PHF8: variants seen among roughly 807,000 people sequenced by gnomAD.
The protein encoded by PHF8 is histone lysine demethylase PHF8.
Under a neutral mutation model 74.4 loss-of-function variants are expected in PHF8, and 9 were observed. The ratio of observed to expected loss-of-function variants is 0.12; its 90% CI spans 0.07 to 0.21. PHF8 has a LOEUF of 0.21. Ranked by LOEUF, PHF8 falls within the 10% of genes least tolerant of loss-of-function variation. PHF8 has a pLI of 1.00. For missense variants in PHF8, 478 were observed against 816.6 expected, an observed-to-expected ratio of 0.59 and a Z score of 5.05; for synonymous variants, 311 against 316.6, an observed-to-expected ratio of 0.98 and a Z score of 0.19.
chrX:54,034,896 G>A (rs905651950), intron 2 of PHF8, among the ~76,000 whole-genome samples: 16 of 107,971 alleles, frequency 1.5e-4, no homozygotes, highest in African/African-American at 5.4e-4. Context: ...CTACTGGGGG[G>A]TGGGGGGCTG....
intron 7 of PHF8, among the ~76,000 whole-genome samples, chrX:54,012,244 G>C (rs2065995029): frequency 9.0e-6 from 1 of 111,554 alleles, no homozygotes; most frequent in South Asian, 3.7e-4. Flanking sequence ...GCTTTAGAGA[G>C]AGAATATAAT....
At chrX:53,962,150 A>C (rs1217091823) in intron 19 of PHF8, among the ~76,000 whole-genome samples, 2 of 111,810 alleles carry the variant, frequency 1.8e-5, no homozygotes. Flanking sequence ...AGTAGGTCTG[A>C]GACACCTGAA....
intron 18 of PHF8, among the ~76,000 whole-genome samples, chrX:53,979,501 A>T (rs1202264039): frequency 1.8e-5 from 2 of 112,404 alleles, no homozygotes; most frequent in African/African-American, 6.4e-5. Flanking sequence ...TAAAAAGAGA[A>T]TAAAATATCA....
intron 15 of PHF8, 65 bp from the exon 16 acceptor site, chrX:53,987,228 G>GA (rs1217500067): frequency 4.3e-6 from 3 of 705,191 alleles, no homozygotes; most frequent in Non-Finnish European, 6.8e-6. Flanking sequence ...ATACCCAGAA[G>GA]AAAAAAATAA....
intron 19 of PHF8, among the ~76,000 whole-genome samples, chrX:53,946,854 T>A (rs191903088): frequency 8.9e-6 from 1 of 111,747 alleles, no homozygotes; most frequent in East Asian, 2.8e-4. Context: ...AAATACATAC[T>A]GAAATACTTG....
rs189690623 is a variant in PHF8, at chrX:53,976,253, G to A, written c.2443+8661C>T. 8.2e-5 allele frequency among the ~76,000 whole-genome samples: 9 copies of A among 109,293 alleles called. No homozygotes were observed. The East Asian group carries it at 1.7e-3, about 21-fold the overall frequency. The allele number at this position is 109,293 out of a possible 115,157, so 94.9% of individuals were successfully genotyped here. A position where few individuals can be genotyped will look rare whatever the true frequency, so the allele number is the denominator to read the frequency against. ...CTGGGAGGTGGAGGTTGGAGCGAGC[G>A]GAGACTGCGCCACAGCACTCCAGCC... On this transcript the variant is annotated intron_variant, in intron 18 of 21. Coordinates refer to ENST00000338154, the MANE Select transcript of PHF8 (RefSeq NM_015107.3).
upstream of PHF8, chrX:54,044,885 G>T (rs2066619566): frequency 2.6e-6 from 3 of 1,156,493 alleles, no homozygotes; most frequent in Admixed American, 5.2e-5. Context: ...CGCGGCTCCT[G>T]TTCATTGAGC....
chrX:53,977,252 T>C lies in PHF8; in HGVS notation c.2443+7662A>G, dbSNP rs186657947. Among the ~76,000 whole-genome samples, 4 of 111,924 alleles carry C rather than the reference T, an allele frequency of 3.6e-5. No homozygotes were observed. The Admixed American group carries it at 3.8e-4, about 11-fold the overall frequency. The stretch of plus-strand genomic sequence containing the variant: ...CAGGAGGCTGAGGCATGAGAATCAC[T>C]TGAACCCAGGAGGCAGAGGTTGCAG... On this transcript the variant is annotated intron_variant, in intron 18 of 21. Coordinates refer to ENST00000338154, the MANE Select transcript of PHF8 (RefSeq NM_015107.3).
At chrX:54,038,720 C>G (rs2146514935) in intron 2 of PHF8, among the ~76,000 whole-genome samples, 1 of 112,278 alleles carries the variant, frequency 8.9e-6, no homozygotes, top group South Asian at 3.7e-4. Flanking sequence ...ACTTAACTTC[C>G]ACGAATTCCA....
At chrX:53,942,087 C>G (rs144603640) in intron 20 of PHF8, among the ~76,000 whole-genome samples, 3,295 of 111,864 alleles carry the variant, frequency 0.029, 130 homozygotes, top group African/African-American at 0.1. Context: ...GATACTCCCA[C>G]AGACAACTAG....
chrX:54,012,251 T>A (rs1308012852), intron 7 of PHF8, among the ~76,000 whole-genome samples: 4 of 111,660 alleles, frequency 3.6e-5, no homozygotes, highest in African/African-American at 1.3e-4. Context: ...AGAGAGAATA[T>A]AATAAAATGG....
At chrX:54,019,452 C>A (rs1216890928) in intron 4 of PHF8, among the ~76,000 whole-genome samples, 1 of 107,330 alleles carries the variant, frequency 9.3e-6, no homozygotes, top group Middle Eastern at 4.7e-3. Flanking sequence ...CAAATGAGAC[C>A]CTGTCTCAAA....
chrX:53,969,921 T>C (rs967333936), intron 18 of PHF8, among the ~76,000 whole-genome samples: 1 of 112,057 alleles, frequency 8.9e-6, no homozygotes. Flanking sequence ...AATACCCATA[T>C]GCAAAAGAAT....
intron 6 of PHF8, 106 bp from the exon 7 acceptor site, chrX:54,014,669 C>T (rs2066033444): frequency 3.5e-6 from 2 of 563,548 alleles, no homozygotes; most frequent in Non-Finnish European, 6.0e-6. Flanking sequence ...AGTCAGAGAA[C>T]AAGTTCCCTC....
In PHF8 at chrX:54,043,958, G is replaced by C; in HGVS notation, c.-289C>G. Reference sequence around the variant, plus strand: ...CTGCGAAGCGCCTCAGCGGAGGCTCGTCCGGTAGTTCCGGCCCCTACGGCG... The same window carrying C: ...CTGCGAAGCGCCTCAGCGGAGGCTCCTCCGGTAGTTCCGGCCCCTACGGCG... On this transcript the variant is annotated 5_prime_UTR_variant, in exon 1 of 22. Coordinates refer to ENST00000338154, the MANE Select transcript of PHF8 (RefSeq NM_015107.3). 4.0e-6 allele frequency: 3 copies of C among 754,938 alleles called. No individual in the cohort carries two copies. The highest frequency in any genetic ancestry group is 4.7e-6 in the Non-Finnish European group (3 of 639,387). The allele number at this position is 754,938 out of a possible 1,213,427, so 62.2% of individuals were successfully genotyped here.
Position 53,938,370 on chromosome X carries a change from A to C in PHF8, c.*788T>G, listed in dbSNP as rs1384461968. 1.1e-6 allele frequency: 1 copy of C among 902,478 alleles called. No individual in the cohort carries two copies. Among genetic ancestry groups the C allele is most frequent in the African/African-American group, 2.0e-5 (1 of 49,139 alleles). The allele number at this position is 902,478 out of a possible 1,213,427, so 74.4% of individuals were successfully genotyped here. The stretch of plus-strand genomic sequence containing the variant: ...AATGTTCTACATGATTTCAAAATCC[A>C]GGCAAATCCCTGGAGCTCACCCTAA... On this transcript the variant is annotated 3_prime_UTR_variant, in exon 22 of 22. Transcript: ENST00000338154.
chrX:53,985,764 C>T (rs782704951), intron 17 of PHF8, 52 bp downstream of exon 17: 5 of 1,210,351 alleles, frequency 4.1e-6, no homozygotes, highest in Non-Finnish European at 5.6e-6. Context: ...TGGGCGGGAG[C>T]GGGGGTTGCT....
Position 54,042,721 on chromosome X carries a change from G to A in PHF8, c.8C>T (p.Ser3Leu). The A allele has an allele frequency of 8.3e-7, 1 of 1,209,592 alleles. No homozygotes were observed. Among genetic ancestry groups the A allele is most frequent in the African/African-American group, 1.7e-5 (1 of 57,887 alleles). ...CCGGCAGAGGCAATACACCGGCACC[G>A]AGGCCATCTTCGCTCGGCCCTGGAG... Reference protein sequence around the residue: MASVPVYCLCRLP... With the variant: MALVPVYCLCRLP... The change falls in exon 2 of 22, where the codon TCG becomes TTG. Residue 3 changes from serine to leucine, a missense_variant. Ser to Leu is a moderately radical substitution (Grantham distance 145). Coordinates refer to ENST00000338154, the MANE Select transcript of PHF8 (RefSeq NM_015107.3).
At chrX:53,948,794 TG>T (rs1368812037) in intron 19 of PHF8, among the ~76,000 whole-genome samples, 1 of 110,218 alleles carries the variant, frequency 9.1e-6, no homozygotes, top group Non-Finnish European at 1.9e-5. Flanking sequence ...GAGGCCGAGG[TG>T]GGTGGATCAC....
Sources: gnomAD v4.1 joint callset for allele counts (sites outside exome capture counted in the v4.1 genomes callset) on GRCh38, gnomAD v4.1.1 for gene constraint, MANE v1.5 for transcripts, NCBI Gene and HGNC (gene_info 2026-07-23, HGNC 2026-07-21) for gene names.